PPIH: variants seen among roughly 807,000 people sequenced by gnomAD.
PPIH encodes the protein peptidylprolyl isomerase H.
A neutral mutation model predicts 27.6 loss-of-function variants in PPIH; 16 were observed. That is an observed-to-expected ratio of 0.58 (90% CI 0.39 to 0.88). The LOEUF is 0.88. PPIH is among the 40% of genes least tolerant of loss of function. The probability of loss-of-function intolerance (pLI) is 0.00; values close to 1 mark genes in which losing one functional copy is unlikely to be tolerated. For synonymous variants in PPIH, 63 were observed against 76.1 expected, an observed-to-expected ratio of 0.83 and a Z score of 0.90; for missense variants, 155 against 224.1, an observed-to-expected ratio of 0.69 and a Z score of 1.97.
intron 9 of PPIH, among the ~76,000 whole-genome samples, chr1:42,675,781 T>C (rs765123217): frequency 6.6e-6 from 1 of 152,162 alleles, no homozygotes; most frequent in African/African-American, 2.4e-5. Context: ...TGGACTTCCC[T>C]TTCTCTTTAC....
chr1:42,676,815 T>C (rs1489308069), downstream of PPIH: 1 of 152,086 alleles, frequency 6.6e-6, no homozygotes, highest in Non-Finnish European at 1.5e-5. Context: ...ATAGTTGTAA[T>C]AGCCCTGTCT....
intron 9 of PPIH, among the ~76,000 whole-genome samples, chr1:42,673,218 C>G (rs1649731477): frequency 6.6e-6 from 1 of 152,212 alleles, no homozygotes; most frequent in East Asian, 1.9e-4. Context: ...CTCCTGGCTT[C>G]AAGCGATCTT....
chr1:42,672,015 C>T (rs537725617), intron 9 of PPIH, among the ~76,000 whole-genome samples: 8 of 151,744 alleles, frequency 5.3e-5, no homozygotes, highest in Non-Finnish European at 1.2e-4. Context: ...TCCCGAGTAG[C>T]TGGGATTACA....
At chr1:42,669,400 ATTACC>A (rs1649513103) in intron 9 of PPIH, among the ~76,000 whole-genome samples, 1 of 152,122 alleles carries the variant, frequency 6.6e-6, no homozygotes, top group African/African-American at 2.4e-5. Flanking sequence ...ATTGTATAAG[ATTACC>A]TTATACAATA....
chr1:42,671,882 T>C (rs1377140627), intron 9 of PPIH, among the ~76,000 whole-genome samples: 1 of 126,702 alleles, frequency 7.9e-6, no homozygotes, highest in Non-Finnish European at 1.7e-5. Flanking sequence ...TATTTCTTTC[T>C]TTCTTTTTTT....
intron 9 of PPIH, among the ~76,000 whole-genome samples, chr1:42,674,768 G>A: frequency 6.6e-6 from 1 of 152,178 alleles, no homozygotes; most frequent in East Asian, 1.9e-4. Flanking sequence ...ATGGGTCTGG[G>A]GAACACTGGA....
At chr1:42,665,682 T>A (rs1649292401) in intron 6 of PPIH, among the ~76,000 whole-genome samples, 1 of 150,998 alleles carries the variant, frequency 6.6e-6, no homozygotes, top group Non-Finnish European at 1.5e-5. Flanking sequence ...TAGTCTCTAC[T>A]TAAAAAAGAA....
In PPIH at chr1:42,676,717, C is replaced by CT. The variant is rs1420896114; in HGVS notation, c.*158dup. On this transcript the variant is annotated 3_prime_UTR_variant, in exon 10 of 10. Transcript: ENST00000304979. ...TCAGAGATTCAGAATCCAAGATTGT[C>CT]TTTAAGTTTTCAACTGTAAATAAAG... 3 of 151,886 alleles carry CT rather than the reference C, an allele frequency of 2.0e-5. No individual in the cohort carries two copies. In the East Asian group the frequency reaches 5.8e-4, roughly 29 times the overall value. 9.4% of individuals were successfully genotyped at this position (151,886 alleles called of 1,614,324 possible).
chr1:42,659,618 G>T (rs1481440308), intron 4 of PPIH, 52 bp downstream of exon 4: 5 of 1,581,278 alleles, frequency 3.2e-6, no homozygotes, highest in Non-Finnish European at 3.4e-6. Context: ...TTTCCTGGGG[G>T]ATTAGGCTCT....
At chr1:42,672,465 T>C (rs939212531) in intron 9 of PPIH, among the ~76,000 whole-genome samples, 2 of 152,090 alleles carry the variant, frequency 1.3e-5, no homozygotes, top group Middle Eastern at 3.2e-3. Flanking sequence ...AGGTATCACC[T>C]AATCCTGCAT....
At chr1:42,672,057 T>C (rs1649667752) in intron 9 of PPIH, among the ~76,000 whole-genome samples, 2 of 152,088 alleles carry the variant, frequency 1.3e-5, no homozygotes, top group South Asian at 4.1e-4. Context: ...CTAATTTTTG[T>C]ATTTTTTAGT....
intron 3 of PPIH, 105 bp from the exon 4 acceptor site, chr1:42,659,417 C>T: frequency 6.2e-7 from 1 of 1,614,108 alleles, no homozygotes; most frequent in Non-Finnish European, 8.5e-7. Context: ...TTCTTTATGT[C>T]TGTCAACCAT....
chr1:42,661,851 T>TC, intron 5 of PPIH, among the ~76,000 whole-genome samples: 1 of 117,198 alleles, frequency 8.5e-6, no homozygotes, highest in East Asian at 2.1e-4. Flanking sequence ...AAAATCCTAG[T>TC]TTTTTTTTCT....
chr1:42,664,519 C>T (rs1649223101), intron 5 of PPIH, among the ~76,000 whole-genome samples: 1 of 152,096 alleles, frequency 6.6e-6, no homozygotes, highest in African/African-American at 2.4e-5. Flanking sequence ...TTTTATGTGA[C>T]TGAAGGCATG....
At chr1:42,672,939 ATGCC>A (rs1649716846) in intron 9 of PPIH, among the ~76,000 whole-genome samples, 1 of 151,694 alleles carries the variant, frequency 6.6e-6, no homozygotes, top group Admixed American at 6.6e-5. Context: ...GTGAGCCACC[ATGCC>A]TGGTCTGTAC....
At position 42,664,965 on chromosome 1, in the gene PPIH, G is replaced by A; in HGVS notation, c.336+10G>A. 1 of 1,612,402 alleles carries A rather than the reference G, an allele frequency of 6.2e-7. No homozygotes were observed. The highest frequency in any genetic ancestry group is 8.5e-7 in the Non-Finnish European group (1 of 1,178,720). On this transcript the variant is annotated intron_variant, in intron 6 of 9. Coordinates refer to ENST00000304979, the MANE Select transcript of PPIH (RefSeq NM_006347.4). ...AGGCCTGCTTTCCATGGTAAGTGAG[G>A]TCCAATCAAGGTTTTGGGTTATAGC...
chr1:42,664,001 C>A (rs1425636614), intron 5 of PPIH, among the ~76,000 whole-genome samples: 2 of 152,180 alleles, frequency 1.3e-5, no homozygotes, highest in African/African-American at 4.8e-5. Context: ...ACCCAGACTT[C>A]AGTTTCCTCA....
intron 9 of PPIH, among the ~76,000 whole-genome samples, chr1:42,667,816 G>C (rs1437223366): frequency 6.6e-6 from 1 of 152,228 alleles, no homozygotes; most frequent in Non-Finnish European, 1.5e-5. Context: ...GTAACTCTCT[G>C]CTGGGACCAG....
At chr1:42,679,948 G>A (rs535838512), downstream of PPIH, among the ~76,000 whole-genome samples, 6 of 152,304 alleles carry the variant, frequency 3.9e-5, no homozygotes, top group East Asian at 1.2e-3. Context: ...TTCAATTCAT[G>A]TTCTACACCA....
Sources: allele counts gnomAD v4.1 joint callset (sites outside exome capture counted in the v4.1 genomes callset), GRCh38; gene constraint gnomAD v4.1.1; transcripts MANE v1.5; gene names NCBI Gene and HGNC (gene_info 2026-07-23, HGNC 2026-07-21).